Variants in IQCH observed in about 807,000 individuals in gnomAD.
IQCH encodes the protein IQ domain-containing protein H.
Under a neutral mutation model 117.0 loss-of-function variants are expected in IQCH, and 98 were observed. The observed-to-expected ratio is 0.84, with a 90% CI of 0.71 to 0.99. The LOEUF (loss-of-function observed/expected upper bound fraction) is 0.99. Among genes scored for constraint, IQCH ranks in the 50% least tolerant of loss-of-function variants. IQCH has a pLI of 0.00. For missense variants in IQCH, 1,102 were observed against 1,243.8 expected (o/e 0.89, Z 1.72); for synonymous variants, 412 against 448.2 (o/e 0.92, Z 1.02).
At position 67,417,339 on chromosome 15, in the gene IQCH, G is replaced by C. The variant is rs2081602463; in HGVS notation, c.2218+288G>C. ...GGTGGGCTTTGGAATCAGATTACCT[G>C]GGTCTGGACCCCATCCATGACCTTG... On this transcript the variant is annotated intron_variant, in intron 15 of 20. Coordinates refer to ENST00000335894, the MANE Select transcript of IQCH (RefSeq NM_001031715.3). This position sits in a 1 kb window ranked among gnomAD's most constrained non-coding sequence, Gnocchi z 4.3. Among the ~76,000 whole-genome samples the C allele has an allele frequency of 6.6e-6, 1 of 152,106 alleles. No individual in the cohort carries two copies. Among genetic ancestry groups the C allele is most frequent in the African/African-American group, 2.4e-5 (1 of 41,416 alleles).
chr15:67,465,853 C>G lies in IQCH; in HGVS notation c.2676+556C>G, dbSNP rs1037924566. Reference sequence around the variant, plus strand: ...ATGCCACTAACCTGACCCCTCCTCTCTCTCCACAAAGATAGTGTCTTAGTG... The same window carrying G: ...ATGCCACTAACCTGACCCCTCCTCTGTCTCCACAAAGATAGTGTCTTAGTG... On this transcript the variant is annotated intron_variant, in intron 17 of 20. Coordinates refer to ENST00000335894, the MANE Select transcript of IQCH (RefSeq NM_001031715.3). This position sits in a 1 kb window ranked among gnomAD's most constrained non-coding sequence, Gnocchi z 5.9. Among the ~76,000 whole-genome samples, 7 of 152,216 alleles carry G rather than the reference C, an allele frequency of 4.6e-5. No individual in the cohort carries two copies. Among genetic ancestry groups the G allele is most frequent in the African/African-American group, 1.7e-4 (7 of 41,448 alleles).
intron 18 of IQCH, among the ~76,000 whole-genome samples, chr15:67,480,365 C>A (rs970503174): frequency 8.5e-5 from 13 of 152,182 alleles, no homozygotes; most frequent in Non-Finnish European, 1.9e-4. Flanking sequence ...GGAGCCACTT[C>A]CTGAGTTGCC....
At chr15:67,489,469 G>GCTA (rs1596487810) in intron 18 of IQCH, among the ~76,000 whole-genome samples, 2 of 149,312 alleles carry the variant, frequency 1.3e-5, no homozygotes, top group African/African-American at 5.0e-5. Flanking sequence ...GGACCACCAT[G>GCTA]CTACTTTTCA....
intron 4 of IQCH, among the ~76,000 whole-genome samples, chr15:67,304,798 C>T (rs1437779095): frequency 6.6e-6 from 1 of 151,996 alleles, no homozygotes; most frequent in Non-Finnish European, 1.5e-5. Context: ...AGGCTTACCA[C>T]TAGAAAAATC....
chr15:67,332,988 G>C (rs1445189051), intron 4 of IQCH, among the ~76,000 whole-genome samples: 1 of 152,192 alleles, frequency 6.6e-6, no homozygotes, highest in East Asian at 1.9e-4. Context: ...CCAAAATCAA[G>C]CTGCTGGCAG....
At position 67,376,886 on chromosome 15, in the gene IQCH, AG is replaced by A; in HGVS notation, c.1372+3455del. On this transcript the variant is annotated intron_variant, in intron 10 of 20. Coordinates refer to ENST00000335894, the MANE Select transcript of IQCH (RefSeq NM_001031715.3). The surrounding 1 kb of genome is among the most constrained non-coding windows in gnomAD (Gnocchi z 5.0). ...GTAATCCCAATCCTTCAAGAGGCCA[AG>A]GTGGGCAGATCACGAGGTCAAGAGA... is the stretch of plus-strand genomic sequence containing the variant. Among the ~76,000 whole-genome samples the A allele has an allele frequency of 6.6e-6, 1 of 152,238 alleles. No individual in the cohort carries two copies. The highest frequency in any genetic ancestry group is 2.1e-4 in the South Asian group (1 of 4,820).
rs2141008149 is a variant in IQCH at position 67,458,762 on chromosome 15, C to G, written c.2506-6365C>G. Among the ~76,000 whole-genome samples the G allele has an allele frequency of 6.6e-6, 1 of 152,342 alleles. No homozygotes were observed. The highest frequency in any genetic ancestry group is 1.5e-5 in the Non-Finnish European group (1 of 68,034). The stretch of plus-strand genomic sequence containing the variant: ...ATCAAGTGGTCCAATGCTGGATTTT[C>G]TGTCGAACTGGGGCTGTGAATGCTG... On this transcript the variant is annotated intron_variant, in intron 16 of 20. Coordinates refer to ENST00000335894, the MANE Select transcript of IQCH (RefSeq NM_001031715.3). This position sits in a 1 kb window ranked among gnomAD's most constrained non-coding sequence, Gnocchi z 4.1.
intron 7 of IQCH, among the ~76,000 whole-genome samples, chr15:67,357,704 G>C (rs534949146): frequency 2.0e-4 from 31 of 152,302 alleles, no homozygotes; most frequent in African/African-American, 5.5e-4. Context: ...GAGTCCAGTA[G>C]CTATTGCTTT....
In IQCH at chr15:67,320,168, G is replaced by T. The variant is rs191975041; in HGVS notation, c.388-16807G>T. On this transcript the variant is annotated intron_variant, in intron 4 of 20. Coordinates refer to ENST00000335894, the MANE Select transcript of IQCH (RefSeq NM_001031715.3). The stretch of plus-strand genomic sequence containing the variant: ...AGGGATGCCAAATTAAATAAAAAGA[G>T]CCCCAGCAGTTCTGCAGCTGCCTGC... Among the ~76,000 whole-genome samples, 208 of 152,328 alleles carry T rather than the reference G, an allele frequency of 1.4e-3. 4 individuals carry two copies. In the South Asian group the frequency reaches 0.019, roughly 14 times the overall value.
chr15:67,323,209 C>G (rs1968224499), intron 4 of IQCH, among the ~76,000 whole-genome samples: 1 of 149,944 alleles, frequency 6.7e-6, no homozygotes, highest in African/African-American at 2.5e-5. Context: ...TTTTTTGTTC[C>G]TTATTCTTTG....
chr15:67,487,452 ACACAC>A (rs917739468), intron 18 of IQCH, among the ~76,000 whole-genome samples: 3 of 151,774 alleles, frequency 2.0e-5, no homozygotes, highest in African/African-American at 7.3e-5. Flanking sequence ...ACACACACAC[ACACAC>A]AACCCTCATT....
intron 16 of IQCH, among the ~76,000 whole-genome samples, chr15:67,450,258 T>A (rs997931368): frequency 6.6e-6 from 1 of 152,190 alleles, no homozygotes; most frequent in African/African-American, 2.4e-5. Flanking sequence ...TCCAACACTA[T>A]GTTGAATAGG....
rs1193711732 is a variant in IQCH at position 67,407,448 on chromosome 15, G to C, written c.2097+7143G>C. ...CCAGTTCAGTGGTTATTTTCATGAA[G>C]CTGCCAGGGTTGAGTTTGAGGTGTT... On this transcript the variant is annotated intron_variant, in intron 14 of 20. Coordinates refer to ENST00000335894, the MANE Select transcript of IQCH (RefSeq NM_001031715.3). The surrounding 1 kb of genome is among the most constrained non-coding windows in gnomAD (Gnocchi z 5.3). 1 of 152,164 alleles carries C rather than the reference G, an allele frequency of 6.6e-6. No individual in the cohort carries two copies. The highest frequency in any genetic ancestry group is 1.5e-5 in the Non-Finnish European group (1 of 68,044). 9.4% of individuals were successfully genotyped at this position (152,164 alleles called of 1,614,324 possible).
rs1055477566 is a variant in IQCH, at chr15:67,381,383, C to A, written c.1373-3553C>A. Reference sequence around the variant, plus strand: ...CAGGTAAGCTTCTTTGATGTAGAGACAATAATATTTCACAACTGCTTATTT... The same window carrying A: ...CAGGTAAGCTTCTTTGATGTAGAGAAAATAATATTTCACAACTGCTTATTT... On this transcript the variant is annotated intron_variant, in intron 10 of 20. Transcript: ENST00000335894. The surrounding 1 kb of genome is among the most constrained non-coding windows in gnomAD (Gnocchi z 5.1). Among the ~76,000 whole-genome samples, 3 of 152,060 alleles carry A rather than the reference C, an allele frequency of 2.0e-5. No homozygotes were observed. The highest frequency in any genetic ancestry group is 4.4e-5 in the Non-Finnish European group (3 of 68,026).
chr15:67,323,939 CTTTTTT>C (rs530534537), intron 4 of IQCH, among the ~76,000 whole-genome samples: 2 of 64,366 alleles, frequency 3.1e-5, no homozygotes, highest in Non-Finnish European at 5.7e-5. Context: ...TTAAGCATTT[CTTTTTT>C]TTTTTTTTTT....
rs1268549602 is a variant in IQCH at position 67,404,446 on chromosome 15, G to A, written c.2097+4141G>A. Reference sequence around the variant, plus strand: ...CGTTGTCCCGTCTAGAATTTAGTAGGTATTTATTAGGTGATCCCAAAGAGC... The same window carrying A: ...CGTTGTCCCGTCTAGAATTTAGTAGATATTTATTAGGTGATCCCAAAGAGC... On this transcript the variant is annotated intron_variant, in intron 14 of 20. Transcript: ENST00000335894. The surrounding 1 kb of genome is among the most constrained non-coding windows in gnomAD (Gnocchi z 4.6). 6.6e-6 allele frequency: 1 copy of A among 152,044 alleles called. No homozygotes were observed. The highest frequency in any genetic ancestry group is 1.5e-5 in the Non-Finnish European group (1 of 68,018). The allele number at this position is 152,044 out of a possible 1,614,324, so 9.4% of individuals were successfully genotyped here.
rs1447724529 is a variant in IQCH at position 67,453,961 on chromosome 15, T to C, written c.2506-11166T>C. ...CCCCTCCCCCAGCCTCGCTGCCGCCTTGCAGTTCGATCTGGGACTGCTGTG... is the reference window on the plus strand; with the variant it reads ...CCCCTCCCCCAGCCTCGCTGCCGCCCTGCAGTTCGATCTGGGACTGCTGTG... On this transcript the variant is annotated intron_variant, in intron 16 of 20. Coordinates refer to ENST00000335894, the MANE Select transcript of IQCH (RefSeq NM_001031715.3). This position sits in a 1 kb window ranked among gnomAD's most constrained non-coding sequence, Gnocchi z 5.8. Among the ~76,000 whole-genome samples the C allele has an allele frequency of 6.6e-6, 1 of 152,228 alleles. No homozygotes were observed. The highest frequency in any genetic ancestry group is 2.4e-5 in the African/African-American group (1 of 41,458).
intron 4 of IQCH, among the ~76,000 whole-genome samples, chr15:67,329,872 A>G (rs917439142): frequency 2.0e-5 from 3 of 151,670 alleles, no homozygotes; most frequent in Admixed American, 6.6e-5. Context: ...TGAATTATAT[A>G]TGTGTGTGTG....
chr15:67,257,322 CAGTG>C (rs1318070973), intron 1 of IQCH, among the ~76,000 whole-genome samples: 3 of 152,226 alleles, frequency 2.0e-5, no homozygotes, highest in African/African-American at 7.2e-5. Flanking sequence ...TCTGGCAAGT[CAGTG>C]ACTGAGTGAG....
Sources: gnomAD v4.1 joint callset for allele counts (sites outside exome capture counted in the v4.1 genomes callset) on GRCh38, gnomAD v4.1.1 for gene constraint, Gnocchi (gnomAD v3.1) non-coding constraint, MANE v1.5 for transcripts, NCBI Gene and HGNC (gene_info 2026-07-23, HGNC 2026-07-21) for gene names.